Variants in PCDH9 observed in about 807,000 individuals in gnomAD.
The protein encoded by PCDH9 is protocadherin-9.
A neutral mutation model predicts 70.6 loss-of-function variants in PCDH9; 24 were observed. The ratio of observed to expected loss-of-function variants is 0.34; its 90% CI spans 0.25 to 0.48. The LOEUF is 0.48. Among genes scored for constraint, PCDH9 ranks in the 20% least tolerant of loss-of-function variants. PCDH9 has a pLI of 0.99. For synonymous variants in PCDH9, 562 were observed against 558.5 expected (o/e 1.01, Z -0.09); for missense variants, 1,281 against 1,503.6 (o/e 0.85, Z 2.45).
At chr13:66,670,807 A>G (rs2078163453) in intron 3 of PCDH9, among the ~76,000 whole-genome samples, 1 of 150,734 alleles carries the variant, frequency 6.6e-6, no homozygotes, top group Admixed American at 6.6e-5. Context: ...AAGCCCGAGT[A>G]TCTGTAGAAA....
intron 2 of PCDH9, among the ~76,000 whole-genome samples, chr13:67,099,069 G>A (rs2086380064): frequency 6.6e-6 from 1 of 152,136 alleles, no homozygotes; most frequent in African/African-American, 2.4e-5. Context: ...TCATGATTCT[G>A]TCACTGCAAT....
chr13:66,363,318 G>A (rs865844453), intron 4 of PCDH9, among the ~76,000 whole-genome samples: 2 of 151,892 alleles, frequency 1.3e-5, no homozygotes, highest in African/African-American at 4.8e-5. Flanking sequence ...AGGAAATTTA[G>A]GATACAATAT....
chr13:66,761,793 G>A (rs2079632137), intron 3 of PCDH9, among the ~76,000 whole-genome samples: 1 of 150,058 alleles, frequency 6.7e-6, no homozygotes, highest in African/African-American at 2.4e-5. Flanking sequence ...TTGTTTCTTT[G>A]TAGTTCTTGA....
intron 2 of PCDH9, among the ~76,000 whole-genome samples, chr13:67,175,663 A>C (rs1020013664): frequency 6.6e-6 from 1 of 152,106 alleles, no homozygotes; most frequent in South Asian, 2.1e-4. Flanking sequence ...TCATAAATAC[A>C]TTTTCCCTTA....
chr13:66,534,483 C>T (rs1190812752), intron 4 of PCDH9, among the ~76,000 whole-genome samples: 3 of 152,024 alleles, frequency 2.0e-5, no homozygotes, highest in African/African-American at 7.2e-5. Context: ...AGACAGCTCT[C>T]AGGGGTCCCT....
At chr13:67,027,512 G>A (rs2084810389) in intron 2 of PCDH9, among the ~76,000 whole-genome samples, 1 of 151,970 alleles carries the variant, frequency 6.6e-6, no homozygotes, top group South Asian at 2.1e-4. Context: ...GCATGGGCAA[G>A]GACTTCATGT....
chr13:66,422,568 C>A (rs1957586725), intron 4 of PCDH9, among the ~76,000 whole-genome samples: 1 of 152,052 alleles, frequency 6.6e-6, no homozygotes, highest in African/African-American at 2.4e-5. Context: ...GGGTAAATAA[C>A]AAAATTAATG....
chr13:67,019,558 T>C (rs1280907895), intron 2 of PCDH9, among the ~76,000 whole-genome samples: 1 of 152,098 alleles, frequency 6.6e-6, no homozygotes, highest in Non-Finnish European at 1.5e-5. Flanking sequence ...TACAATCTAA[T>C]ATTTGCTTTT....
intron 3 of PCDH9, among the ~76,000 whole-genome samples, chr13:66,781,995 C>T (rs1188390999): frequency 6.6e-6 from 1 of 152,056 alleles, no homozygotes. Context: ...AGATAAGATG[C>T]TTTAATTATT....
intron 4 of PCDH9, among the ~76,000 whole-genome samples, chr13:66,576,295 C>T (rs1400935822): frequency 1.3e-5 from 2 of 151,890 alleles, no homozygotes; most frequent in Non-Finnish European, 2.9e-5. Context: ...ATCAGGTGTT[C>T]CAGTTTCTTT....
chr13:66,871,421 A>G (rs1324985486), intron 3 of PCDH9, among the ~76,000 whole-genome samples: 2 of 118,644 alleles, frequency 1.7e-5, no homozygotes, highest in African/African-American at 3.7e-5. Context: ...AATAAAAAAT[A>G]AATAAAATTA....
chr13:66,676,365 A>G (rs1327666956), intron 3 of PCDH9, among the ~76,000 whole-genome samples: 1 of 151,654 alleles, frequency 6.6e-6, no homozygotes, highest in Admixed American at 6.6e-5. Context: ...TTTAGTAACA[A>G]AATTCTATTC....
rs1217676754 is a variant in PCDH9 at position 66,883,683 on chromosome 13, T to G, written c.3138+19821A>C. 2.0e-5 allele frequency among the ~76,000 whole-genome samples: 3 copies of G among 152,126 alleles called. No individual in the cohort carries two copies. In the East Asian group the frequency reaches 5.8e-4, roughly 29 times the overall value. On this transcript the variant is annotated intron_variant, in intron 3 of 4. Transcript: ENST00000377865. ...CCTTCAAGAAAGAAACCTGGGGTTT[T>G]TAATATTTGCCTTTGTTACACTATG...
At chr13:66,365,305 G>A (rs1956536503) in intron 4 of PCDH9, among the ~76,000 whole-genome samples, 1 of 152,134 alleles carries the variant, frequency 6.6e-6, no homozygotes, top group African/African-American at 2.4e-5. Flanking sequence ...TAGAGAACAT[G>A]GTTGTCTGAC....
At chr13:66,396,405 A>T (rs1593910755) in intron 4 of PCDH9, among the ~76,000 whole-genome samples, 1 of 152,196 alleles carries the variant, frequency 6.6e-6, no homozygotes, top group South Asian at 2.1e-4. Context: ...CTGGATAATT[A>T]CCTACCACAT....
intron 4 of PCDH9, among the ~76,000 whole-genome samples, chr13:66,529,945 A>T (rs549581882): frequency 6.6e-6 from 1 of 152,070 alleles, no homozygotes; most frequent in East Asian, 1.9e-4. Flanking sequence ...TTAATGATCC[A>T]CAACTTTTAT....
At chr13:67,154,318 G>T (rs902662701) in intron 2 of PCDH9, among the ~76,000 whole-genome samples, 1 of 151,968 alleles carries the variant, frequency 6.6e-6, no homozygotes. Context: ...GGCCAGATGT[G>T]GTGGCTCATG....
intron 3 of PCDH9, among the ~76,000 whole-genome samples, chr13:66,740,828 C>T (rs1202476645): frequency 6.8e-6 from 1 of 146,728 alleles, no homozygotes; most frequent in African/African-American, 2.5e-5. Flanking sequence ...ATAACAGGAT[C>T]TGAAATTGTG....
chr13:66,835,118 T>C (rs1356421641), intron 3 of PCDH9, among the ~76,000 whole-genome samples: 2 of 152,198 alleles, frequency 1.3e-5, no homozygotes, highest in African/African-American at 2.4e-5. Context: ...GACTACCAAA[T>C]TGACATAGTC....
Sources: gnomAD v4.1 joint callset for allele counts (sites outside exome capture counted in the v4.1 genomes callset) on GRCh38, gnomAD v4.1.1 for gene constraint, MANE v1.5 for transcripts, NCBI Gene and HGNC (gene_info 2026-07-23, HGNC 2026-07-21) for gene names.